Variants in DMD observed in about 807,000 individuals in gnomAD.
DMD encodes dystrophin.
A neutral mutation model predicts 330.1 loss-of-function variants in DMD; 63 were observed. That is an observed-to-expected ratio of 0.19 (90% CI 0.16 to 0.24). The LOEUF is 0.24. Among genes scored for constraint, DMD ranks in the 10% least tolerant of loss-of-function variants. The pLI is 1.00. For synonymous variants in DMD, 1,223 were observed against 959.8 expected (o/e 1.27, Z -5.07); for missense variants, 3,344 against 2,684.1 (o/e 1.25, Z -5.43).
At chrX:32,890,510 G>A (rs1318903217) in intron 2 of DMD, among the ~76,000 whole-genome samples, 2 of 110,025 alleles carry the variant, frequency 1.8e-5, no homozygotes, top group Non-Finnish European at 3.8e-5. Flanking sequence ...TGATGCCTGG[G>A]GCACAGTTGA....
chrX:31,891,640 C>T (rs2094252917), intron 47 of DMD, among the ~76,000 whole-genome samples: 1 of 112,123 alleles, frequency 8.9e-6, no homozygotes, highest in Non-Finnish European at 1.9e-5. Context: ...CATGCCCATT[C>T]GTTTATGTGT....
At chrX:32,892,951 T>G (rs1232027936) in intron 2 of DMD, among the ~76,000 whole-genome samples, 1 of 111,624 alleles carries the variant, frequency 9.0e-6, no homozygotes, top group African/African-American at 3.3e-5. Flanking sequence ...TTTATGATAT[T>G]TATCAGACAT....
At chrX:31,172,714 C>T (rs181856784) in intron 72 of DMD, among the ~76,000 whole-genome samples, 1 of 111,690 alleles carries the variant, frequency 9.0e-6, no homozygotes, top group Non-Finnish European at 1.9e-5. Context: ...AGAAAAGCTT[C>T]CCTAACAATA....
At chrX:31,848,920 T>C (rs2093473057) in intron 48 of DMD, among the ~76,000 whole-genome samples, 1 of 110,630 alleles carries the variant, frequency 9.0e-6, no homozygotes, top group Non-Finnish European at 1.9e-5. Flanking sequence ...AAGTAGCAAG[T>C]CAGAGGCAAA....
At chrX:32,616,072 T>G (rs1398121979) in intron 11 of DMD, among the ~76,000 whole-genome samples, 1 of 110,734 alleles carries the variant, frequency 9.0e-6, no homozygotes, top group Admixed American at 9.7e-5. Context: ...ATTTGTCTGA[T>G]TTTTTTTCCT....
intron 11 of DMD, among the ~76,000 whole-genome samples, chrX:32,634,507 C>T (rs1283824424): frequency 8.9e-6 from 1 of 112,254 alleles, no homozygotes; most frequent in Non-Finnish European, 1.9e-5. Flanking sequence ...TGCCTGGCTA[C>T]AGCTGCTGAT....
chrX:31,452,988 A>G (rs2065871706), intron 59 of DMD, among the ~76,000 whole-genome samples: 1 of 112,143 alleles, frequency 8.9e-6, no homozygotes, highest in African/African-American at 3.2e-5. Flanking sequence ...AACTCCTACA[A>G]CTCAATAGCA....
intron 63 of DMD, among the ~76,000 whole-genome samples, chrX:31,257,772 C>A (rs1010466173): frequency 3.6e-5 from 4 of 111,833 alleles, no homozygotes; most frequent in African/African-American, 1.3e-4. Context: ...TGGCAAAACC[C>A]CGTCCCTAGT....
intron 43 of DMD, among the ~76,000 whole-genome samples, chrX:32,284,760 G>A (rs2097433245): frequency 8.9e-6 from 1 of 112,212 alleles, no homozygotes; most frequent in African/African-American, 3.2e-5. Context: ...GTGCTTATAA[G>A]CAATTACTTA....
chrX:32,734,765 C>T lies in DMD; in HGVS notation c.650-35472G>A, dbSNP rs950167382. Among the ~76,000 whole-genome samples, 2 of 108,565 alleles carry T rather than the reference C, an allele frequency of 1.8e-5. 1 individual carries two copies. Among genetic ancestry groups the T allele is most frequent in the Non-Finnish European group, 3.8e-5 (2 of 52,887 alleles). 94.3% of individuals were successfully genotyped at this position (108,565 alleles called of 115,157 possible). ...AATTAGGTATTGACGGGACATATTT[C>T]AAAATAATAAGAGCTATCTATGACA... On this transcript the variant is annotated intron_variant, in intron 7 of 78. Transcript: ENST00000357033.
At chrX:32,829,985 G>T (rs771815421) in intron 4 of DMD, among the ~76,000 whole-genome samples, 2 of 111,728 alleles carry the variant, frequency 1.8e-5, no homozygotes, top group Non-Finnish European at 3.8e-5. Context: ...TATTTTGGTT[G>T]TGTTTTGTCT....
intron 1 of DMD, among the ~76,000 whole-genome samples, chrX:33,329,491 A>C (rs1386021841): frequency 8.9e-6 from 1 of 112,240 alleles, no homozygotes; most frequent in East Asian, 2.8e-4. Context: ...AGAGTTCACA[A>C]ATGGAATCAA....
chrX:31,775,690 A>G (rs1005640044), intron 50 of DMD, among the ~76,000 whole-genome samples: 7 of 111,784 alleles, frequency 6.3e-5, no homozygotes, highest in Non-Finnish European at 1.3e-4. Flanking sequence ...GAATATTAAA[A>G]AAAAATGAGA....
chrX:31,502,300 CA>C (rs923529663), intron 56 of DMD, among the ~76,000 whole-genome samples: 1 of 110,832 alleles, frequency 9.0e-6, no homozygotes, highest in African/African-American at 3.3e-5. Context: ...GAGAGAATCC[CA>C]AAGAGAAGTC....
At chrX:32,615,539 T>C (rs1365530082) in intron 11 of DMD, among the ~76,000 whole-genome samples, 1 of 111,877 alleles carries the variant, frequency 8.9e-6, no homozygotes, top group Non-Finnish European at 1.9e-5. Context: ...TTTATAAACA[T>C]CATGTTTAAA....
intron 29 of DMD, among the ~76,000 whole-genome samples, chrX:32,421,037 G>A (rs975451847): frequency 2.2e-4 from 24 of 111,588 alleles, no homozygotes; most frequent in African/African-American, 7.5e-4. Flanking sequence ...TTGTATCTGA[G>A]CAACTGGAAA....
chrX:31,828,392 G>A (rs758185269), intron 49 of DMD, among the ~76,000 whole-genome samples: 15 of 111,249 alleles, frequency 1.3e-4, no homozygotes, highest in East Asian at 2.8e-4. Flanking sequence ...TTGGCTGGGC[G>A]CGGTGGCTCA....
chrX:32,538,904 T>A (rs2148923293), intron 17 of DMD, among the ~76,000 whole-genome samples: 1 of 110,077 alleles, frequency 9.1e-6, no homozygotes, highest in Non-Finnish European at 1.9e-5. Context: ...CCAGCAGTGT[T>A]TCTGATTCAG....
At chrX:31,823,888 T>A (rs2092830785) in intron 49 of DMD, among the ~76,000 whole-genome samples, 1 of 111,693 alleles carries the variant, frequency 9.0e-6, no homozygotes, top group Admixed American at 9.5e-5. Flanking sequence ...TAGGCTTTTA[T>A]AAATCCTGAA....
Sources: gnomAD v4.1 joint callset for allele counts (sites outside exome capture counted in the v4.1 genomes callset) on GRCh38, gnomAD v4.1.1 for gene constraint, MANE v1.5 for transcripts, NCBI Gene and HGNC (gene_info 2026-07-23, HGNC 2026-07-21) for gene names.